PDE8B: variants seen among roughly 807,000 people sequenced by gnomAD.
PDE8B encodes the protein high affinity cAMP-specific and IBMX-insensitive 3',5'-cyclic phosphodiesterase 8B.
In PDE8B, 26 loss-of-function variants were observed where a neutral mutation model predicts 101.3. The ratio of observed to expected loss-of-function variants is 0.26; its 90% CI spans 0.19 to 0.36. The LOEUF (loss-of-function observed/expected upper bound fraction) is 0.36. PDE8B is among the 10% of genes least tolerant of loss of function. The pLI is 1.00. For synonymous variants in PDE8B, 424 were observed against 429.3 expected (o/e 0.99, Z 0.15); for missense variants, 810 against 1,163.1 (o/e 0.70, Z 4.42).
chr5:77,302,776 G>A (rs1430645880), intron 1 of PDE8B, among the ~76,000 whole-genome samples: 2 of 152,146 alleles, frequency 1.3e-5, no homozygotes, highest in Non-Finnish European at 2.9e-5. Context: ...CGGGTAAGTG[G>A]CTTAACCTTT....
At chr5:77,171,141 C>T in the PDE8B span, among the ~76,000 whole-genome samples, 3 of 152,094 alleles carry the variant, frequency 2.0e-5, no homozygotes, top group Non-Finnish European at 4.4e-5. Context: ...TTTACGAAGG[C>T]GAATTCATTT....
chr5:77,377,102 AAGTG>A (rs77390959), intron 10 of PDE8B, among the ~76,000 whole-genome samples: 2,438 of 152,336 alleles, frequency 0.016, 26 homozygotes, highest in Non-Finnish European at 0.024. Flanking sequence ...GACAGCATAA[AAGTG>A]AGGAGACAAG....
intron 10 of PDE8B, among the ~76,000 whole-genome samples, chr5:77,396,462 T>G (rs1791080871): frequency 1.3e-5 from 2 of 152,264 alleles, no homozygotes; most frequent in Admixed American, 1.3e-4. Flanking sequence ...TTTACTTATG[T>G]ATCCAGTGAA....
chr5:77,335,691 G>A (rs1247469775), intron 5 of PDE8B, among the ~76,000 whole-genome samples: 1 of 152,008 alleles, frequency 6.6e-6, no homozygotes, highest in Admixed American at 6.6e-5. Flanking sequence ...TATAGCTACC[G>A]GAGAAGCAAA....
the PDE8B span, among the ~76,000 whole-genome samples, chr5:77,120,036 C>A: frequency 1.3e-5 from 2 of 151,968 alleles, no homozygotes; most frequent in African/African-American, 4.8e-5. Context: ...GGAAACAGCC[C>A]ATTAACAGAA....
the PDE8B span, among the ~76,000 whole-genome samples, chr5:77,093,938 A>G: frequency 6.6e-6 from 1 of 152,074 alleles, no homozygotes; most frequent in East Asian, 1.9e-4. Flanking sequence ...CCAATGTTGA[A>G]TATCTACTCT....
At chr5:77,110,881 T>C in the PDE8B span, among the ~76,000 whole-genome samples, 2 of 152,212 alleles carry the variant, frequency 1.3e-5, no homozygotes, top group Admixed American at 1.3e-4. Flanking sequence ...TTCAGCCAGT[T>C]TCCTTTAGTA....
At chr5:77,157,472 T>C in the PDE8B span, among the ~76,000 whole-genome samples, 4 of 152,146 alleles carry the variant, frequency 2.6e-5, no homozygotes, top group Non-Finnish European at 4.4e-5. Context: ...CTGCTCTGTA[T>C]AGATTAGCAA....
chr5:77,237,411 T>A (rs189996753), intron 1 of PDE8B, among the ~76,000 whole-genome samples: 2 of 149,672 alleles, frequency 1.3e-5, no homozygotes, highest in Non-Finnish European at 3.0e-5. Flanking sequence ...TTGTGTAGAT[T>A]TTTTAGTGGT....
intron 10 of PDE8B, among the ~76,000 whole-genome samples, chr5:77,354,085 A>G (rs1183982190): frequency 1.3e-5 from 2 of 152,174 alleles, no homozygotes; most frequent in Non-Finnish European, 2.9e-5. Context: ...TTTGATTTTT[A>G]TGAGGATTTT....
intron 1 of PDE8B, among the ~76,000 whole-genome samples, chr5:77,287,572 T>C (rs953589881): frequency 1.3e-5 from 2 of 151,950 alleles, no homozygotes; most frequent in Admixed American, 1.3e-4. Flanking sequence ...CTAATCCTAC[T>C]GAGAGTGAAA....
intron 1 of PDE8B, among the ~76,000 whole-genome samples, chr5:77,297,277 G>A (rs867525629): frequency 6.6e-6 from 1 of 152,112 alleles, no homozygotes; most frequent in Non-Finnish European, 1.5e-5. Context: ...TCAAAATGGC[G>A]ACTAAATTTC....
chr5:77,400,939 G>A (rs1792136152), intron 11 of PDE8B, among the ~76,000 whole-genome samples: 1 of 152,168 alleles, frequency 6.6e-6, no homozygotes, highest in South Asian at 2.1e-4. Context: ...AACATTCTTT[G>A]CCCTGTTGGT....
the PDE8B span, among the ~76,000 whole-genome samples, chr5:77,201,633 A>G: frequency 1.3e-5 from 2 of 152,190 alleles, no homozygotes; most frequent in African/African-American, 2.4e-5. Flanking sequence ...TGTCCTAGAC[A>G]TCTAACCTGG....
At chr5:77,424,811 G>GTTT (rs1004087096) in intron 20 of PDE8B, among the ~76,000 whole-genome samples, 5 of 111,320 alleles carry the variant, frequency 4.5e-5, no homozygotes, top group Middle Eastern at 4.5e-3. Context: ...AACTGGTTCT[G>GTTT]TTTTTTTGTT....
chr5:77,186,411 C>T, the PDE8B span, among the ~76,000 whole-genome samples: 2 of 152,134 alleles, frequency 1.3e-5, no homozygotes, highest in Non-Finnish European at 2.9e-5. Context: ...TTTGGAAAAG[C>T]AGCATTTCAG....
intron 1 of PDE8B, among the ~76,000 whole-genome samples, chr5:77,233,882 A>G (rs1049942404): frequency 3.3e-5 from 5 of 151,864 alleles, no homozygotes; most frequent in Non-Finnish European, 2.9e-5. Context: ...GTCAATTTAA[A>G]TCAGTATTTC....
chr5:77,344,876 C>A lies in PDE8B; in HGVS notation c.821C>A (p.Ala274Glu). Residue 274 changes from alanine (A) to glutamate (E), a missense_variant, in exon 7 of 22, where the codon GCA (alanine) becomes GAA (glutamate). Around this residue, in one of 4 missense-constraint regions of PDE8B, gnomAD observed 251 missense variants for 378.8 expected, o/e 0.66. Transcript: ENST00000264917. ...KLRACNSVFTALDHCHEAIEI... is the reference protein window; with the variant it reads ...KLRACNSVFTELDHCHEAIEI... ...AGGGCCTGTAATTCAGTGTTTACAG[C>A]ATTAGATCACTGTCATGAAGCCATA... The A allele has an allele frequency of 1.2e-6, 2 of 1,609,772 alleles. No individual in the cohort carries two copies. The highest frequency in any genetic ancestry group is 1.7e-6 in the Non-Finnish European group (2 of 1,176,036).
At chr5:77,127,688 A>G in the PDE8B span, among the ~76,000 whole-genome samples, 1 of 152,060 alleles carries the variant, frequency 6.6e-6, no homozygotes, top group Non-Finnish European at 1.5e-5. Flanking sequence ...GACAGACATC[A>G]CTTTGCAAAG....
Sources: gnomAD v4.1 joint callset for allele counts (sites outside exome capture counted in the v4.1 genomes callset) on GRCh38, gnomAD v4.1.1 for gene constraint, gnomAD v4.1.1 regional missense constraint, MANE v1.5 for transcripts, NCBI Gene and HGNC (gene_info 2026-07-23, HGNC 2026-07-21) for gene names.